The following MAD1L1 variants were observed in gnomAD, a reference collection of about 807,000 sequenced individuals.
MAD1L1 encodes the protein mitotic arrest deficient 1 like 1, also known as mitotic spindle assembly checkpoint protein MAD1.
A neutral mutation model predicts 96.9 loss-of-function variants in MAD1L1; 95 were observed. That is an observed-to-expected ratio of 0.98 (90% CI 0.83 to 1.16). The LOEUF is 1.16. Ranked by LOEUF, MAD1L1 falls within the 50% of genes most tolerant of loss-of-function variation. MAD1L1 has a pLI of 0.00. For missense variants in MAD1L1, 1,007 were observed against 954.4 expected (o/e 1.06, Z -0.73); for synonymous variants, 473 against 396.6 (o/e 1.19, Z -2.29).
At chr7:1,870,897 C>G (rs1373017675) in intron 18 of MAD1L1, among the ~76,000 whole-genome samples, 1 of 146,808 alleles carries the variant, frequency 6.8e-6, no homozygotes, top group Middle Eastern at 3.3e-3. Flanking sequence ...CCACGATGAA[C>G]CTACCGTAAC....
intron 17 of MAD1L1, among the ~76,000 whole-genome samples, chr7:1,919,125 C>T (rs1009658496): frequency 5.3e-5 from 8 of 152,272 alleles, no homozygotes; most frequent in South Asian, 2.1e-4. Flanking sequence ...GTCACGCTCA[C>T]CCTTGGTGCG....
At chr7:2,195,102 A>G (rs1442463579) in intron 10 of MAD1L1, among the ~76,000 whole-genome samples, 1 of 151,866 alleles carries the variant, frequency 6.6e-6, no homozygotes, top group East Asian at 1.9e-4. Context: ...AAAAAAAAAA[A>G]GTATTTGAAT....
chr7:1,878,125 T>G (rs1195055512), intron 18 of MAD1L1, among the ~76,000 whole-genome samples: 1 of 152,018 alleles, frequency 6.6e-6, no homozygotes, highest in Non-Finnish European at 1.5e-5. Context: ...TGACCAAAAC[T>G]GACTCAAAAA....
chr7:1,945,029 G>C (rs547909037), intron 16 of MAD1L1, among the ~76,000 whole-genome samples: 1 of 152,138 alleles, frequency 6.6e-6, no homozygotes, highest in Non-Finnish European at 1.5e-5. Flanking sequence ...CTGGGCCGTC[G>C]GCCACTGGGA....
At position 1,899,909 on chromosome 7, in the gene MAD1L1, C is replaced by T. The variant is rs147505697; in HGVS notation, c.1808-1519G>A. Among the ~76,000 whole-genome samples the T allele has an allele frequency of 3.3e-3, 503 of 152,304 alleles. 9 individuals are homozygous for T. The highest frequency in any genetic ancestry group is 8.3e-3 in the East Asian group (43 of 5,170). ...CAAGTCTGCAGAGGAAGATGGAGGA[C>T]GCGGGAGGGGCCGCGGTTTCAGCTC... On this transcript the variant is annotated intron_variant, in intron 17 of 18. Transcript: ENST00000265854.
chr7:1,841,187 T>C (rs1390315228), intron 18 of MAD1L1, among the ~76,000 whole-genome samples: 2 of 152,220 alleles, frequency 1.3e-5, no homozygotes, highest in African/African-American at 4.8e-5. Flanking sequence ...CGGCCACCAA[T>C]GAGAGCTGTG....
chr7:1,826,127 A>G (rs1243779582), intron 18 of MAD1L1, among the ~76,000 whole-genome samples: 1 of 152,138 alleles, frequency 6.6e-6, no homozygotes, highest in Non-Finnish European at 1.5e-5. Flanking sequence ...TTAGACCGGG[A>G]TACCGAGGAC....
chr7:1,962,655 A>G (rs1308218651), intron 15 of MAD1L1, among the ~76,000 whole-genome samples: 1 of 152,248 alleles, frequency 6.6e-6, no homozygotes, highest in African/African-American at 2.4e-5. Flanking sequence ...CAGGTGCTTT[A>G]CCAAAGAAGA....
rs956901580 is a variant in MAD1L1 at position 2,114,585 on chromosome 7, C to T, written c.1073+34567G>A. 1.3e-5 allele frequency among the ~76,000 whole-genome samples: 2 copies of T among 152,256 alleles called. No individual in the cohort carries two copies. Among genetic ancestry groups the T allele is most frequent in the Non-Finnish European group, 1.5e-5 (1 of 68,048 alleles). ...ATCTTCATGAAGATGAGCATGGCTA[C>T]GACTTGAACGGTGGTTTCTTAACAG... is the stretch of plus-strand genomic sequence containing the variant. On this transcript the variant is annotated intron_variant, in intron 11 of 18. Transcript: ENST00000265854. This position sits in a 1 kb window ranked among gnomAD's most constrained non-coding sequence, Gnocchi z 4.2.
At chr7:2,141,284 G>A (rs1030716866) in intron 11 of MAD1L1, among the ~76,000 whole-genome samples, 7 of 152,268 alleles carry the variant, frequency 4.6e-5, no homozygotes, top group Non-Finnish European at 8.8e-5. Context: ...ACCGCGTGCT[G>A]CGGGGCACAG....
At chr7:1,908,667 C>T (rs1297501313) in intron 17 of MAD1L1, among the ~76,000 whole-genome samples, 2 of 152,226 alleles carry the variant, frequency 1.3e-5, no homozygotes, top group African/African-American at 4.8e-5. Flanking sequence ...GCCTCTCTTT[C>T]AGTGCTGAAG....
At chr7:1,830,459 T>C (rs1782649313) in intron 18 of MAD1L1, among the ~76,000 whole-genome samples, 1 of 152,214 alleles carries the variant, frequency 6.6e-6, no homozygotes, top group Non-Finnish European at 1.5e-5. Context: ...AGAACAGCTC[T>C]ACTCCTTCCA....
At chr7:2,079,635 T>C (rs1785538099) in intron 11 of MAD1L1, 2 of 470,804 alleles carry the variant, frequency 4.2e-6, no homozygotes, top group Non-Finnish European at 8.8e-6. Context: ...AAAATTGCCC[T>C]TTGCAATTTC....
Position 2,088,474 on chromosome 7 carries a change from T to C in MAD1L1, c.1074-19136A>G, listed in dbSNP as rs1584290552. On this transcript the variant is annotated intron_variant, in intron 11 of 18. Coordinates refer to ENST00000265854, the MANE Select transcript of MAD1L1 (RefSeq NM_001013836.2). The surrounding 1 kb of genome is among the most constrained non-coding windows in gnomAD (Gnocchi z 4.4). ...ACTGAACCCCAGAGAGGCTCCCCGC[T>C]TGCCTCCAGGGAACACCGCCCCAGC... Among the ~76,000 whole-genome samples, 1 of 152,114 alleles carries C rather than the reference T, an allele frequency of 6.6e-6. No individual in the cohort carries two copies. The highest frequency in any genetic ancestry group is 1.5e-5 in the Non-Finnish European group (1 of 68,006).
At chr7:1,978,397 A>C (rs1396718578) in intron 15 of MAD1L1, among the ~76,000 whole-genome samples, 1 of 152,226 alleles carries the variant, frequency 6.6e-6, no homozygotes, top group Non-Finnish European at 1.5e-5. Flanking sequence ...AGGAAAAGCC[A>C]ACTCCGGCTT....
intron 18 of MAD1L1, among the ~76,000 whole-genome samples, chr7:1,891,270 A>G (rs1443253818): frequency 6.6e-6 from 1 of 152,134 alleles, no homozygotes; most frequent in African/African-American, 2.4e-5. Flanking sequence ...TCACGCCTGT[A>G]ATCCCAGCAC....
At chr7:1,849,063 C>CAAATGCACGTGCACGG in intron 18 of MAD1L1, 1 of 97,110 alleles carries the variant, frequency 1.0e-5, no homozygotes, top group Non-Finnish European at 2.3e-5. Context: ...CACACACACA[C>CAAATGCACGTGCACGG]ACACACACAC....
chr7:1,828,607 C>T (rs1031906865), intron 18 of MAD1L1, among the ~76,000 whole-genome samples: 2 of 152,214 alleles, frequency 1.3e-5, no homozygotes, highest in African/African-American at 4.8e-5. Context: ...CCTGCTCCCA[C>T]CTCACATTTC....
intron 10 of MAD1L1, 89 bp downstream of exon 10, chr7:2,213,123 A>G (rs1793069246): frequency 7.3e-7 from 1 of 1,378,570 alleles, no homozygotes; most frequent in South Asian, 1.2e-5. Context: ...CTGGCTGGAG[A>G]CTGCGCTGGT....
Sources: allele counts gnomAD v4.1 joint callset (sites outside exome capture counted in the v4.1 genomes callset), GRCh38; gene constraint gnomAD v4.1.1; non-coding constraint Gnocchi (gnomAD v3.1); transcripts MANE v1.5; gene names NCBI Gene and HGNC (gene_info 2026-07-23, HGNC 2026-07-21).